Variants in VPS53 observed in about 807,000 individuals in gnomAD.
VPS53 encodes the protein vacuolar protein sorting-associated protein 53 homolog.
Under a neutral mutation model 107.0 loss-of-function variants are expected in VPS53, and 70 were observed. That is an observed-to-expected ratio of 0.65 (90% CI 0.54 to 0.80). The LOEUF is 0.80. Among genes scored for constraint, VPS53 ranks in the 30% least tolerant of loss-of-function variants. The pLI is 0.00. For synonymous variants in VPS53, 409 were observed against 393.3 expected, an observed-to-expected ratio of 1.04 and a Z score of -0.47; for missense variants, 917 against 1,049.4, an observed-to-expected ratio of 0.87 and a Z score of 1.74.
chr17:575,023 C>A (rs1235434000), intron 13 of VPS53, among the ~76,000 whole-genome samples: 1 of 152,208 alleles, frequency 6.6e-6, no homozygotes, highest in East Asian at 1.9e-4. Flanking sequence ...CCCCACTGTA[C>A]CTCGGTGTGC....
chr17:518,939 T>C lies in VPS53; in HGVS notation c.*189A>G, dbSNP rs1037082393. On this transcript the variant is annotated 3_prime_UTR_variant, in exon 22 of 22. Transcript: ENST00000437048. ...AAATCGCCCTCTTAGAGCCCAGCCC[T>C]TACTCAGCGTCTCCGATTAGGGCAG... 5.3e-5 allele frequency: 32 copies of C among 599,812 alleles called. No individual in the cohort carries two copies. The highest frequency in any genetic ancestry group is 1.1e-4 in the Admixed American group (3 of 27,222). 37.2% of individuals were successfully genotyped at this position (599,812 alleles called of 1,614,324 possible).
At chr17:637,214 T>TA (rs1371082172) in intron 7 of VPS53, among the ~76,000 whole-genome samples, 2 of 152,230 alleles carry the variant, frequency 1.3e-5, no homozygotes, top group African/African-American at 2.4e-5. Flanking sequence ...TAGGGGTGTT[T>TA]ATAGTATTTT....
At chr17:672,689 G>T (rs943550458) in intron 4 of VPS53, among the ~76,000 whole-genome samples, 1 of 152,212 alleles carries the variant, frequency 6.6e-6, no homozygotes, top group African/African-American at 2.4e-5. Flanking sequence ...ATTAAAAAGT[G>T]AGTGCCTATT....
At chr17:662,834 AAAGG>A (rs796580340) in intron 4 of VPS53, among the ~76,000 whole-genome samples, 21,164 of 120,252 alleles carry the variant, frequency 0.18, 1,895 homozygotes, top group Middle Eastern at 0.26. Flanking sequence ...AAAGAGAAAG[AAAGG>A]AAGGAAGGAA....
rs920320639 is a variant in VPS53 at position 560,339 on chromosome 17, T to C, written c.1704+87A>G. On this transcript the variant is annotated intron_variant, in intron 15 of 21. Coordinates refer to ENST00000437048, the MANE Select transcript of VPS53 (RefSeq NM_001128159.3). ...TGACCCAAGGTTGTCTGTGGCCATG[T>C]TAGGACGTATATTCTTACTCGCCGA... 1.4e-5 allele frequency: 21 copies of C among 1,488,728 alleles called. No individual in the cohort carries two copies. The African/African-American group carries it at 2.5e-4, about 18-fold the overall frequency. The allele number at this position is 1,488,728 out of a possible 1,614,324, so 92.2% of individuals were successfully genotyped here.
intron 15 of VPS53, among the ~76,000 whole-genome samples, chr17:555,493 G>A (rs983145975): frequency 6.6e-5 from 10 of 152,002 alleles, no homozygotes; most frequent in South Asian, 2.1e-4. Flanking sequence ...CACCACGCCC[G>A]GCCCTAATTT....
In VPS53 at chr17:661,804, C is replaced by T. The variant is rs1371368716; in HGVS notation, c.372+5G>A. 5.2e-6 allele frequency: 8 copies of T among 1,551,824 alleles called. No individual in the cohort carries two copies. Among genetic ancestry groups the T allele is most frequent in the African/African-American group, 2.7e-5 (2 of 73,032 alleles). ...CAAAAAGGTTAGGAAGAAACCAGAA[C>T]TCACCATTTGCTCTGATTTTTCAGC... On this transcript the variant is annotated splice_donor_5th_base_variant and intron_variant, in intron 5 of 21. Coordinates refer to ENST00000437048, the MANE Select transcript of VPS53 (RefSeq NM_001128159.3).
rs780982984 is a variant in VPS53, at chr17:537,133, T to C, written c.1910A>G (p.Tyr637Cys). ...GATGTGCAGAATGACAGAGGTGACG[T>C]AGGGGCTCTGGTCACCAACGTGCTC... ...NVEHVGDQSP[Y>C]VTSVILHIKQ... Residue 637 changes from tyrosine (Y) to cysteine (C), a missense_variant, in exon 18 of 22, where the codon TAC becomes TGC. Transcript: ENST00000437048. 6.2e-7 allele frequency: 1 copy of C among 1,614,052 alleles called. No individual in the cohort carries two copies. Among genetic ancestry groups the C allele is most frequent in the South Asian group, 1.1e-5 (1 of 91,074 alleles).
chr17:678,390 C>T (rs1173873827), intron 4 of VPS53, among the ~76,000 whole-genome samples: 1 of 151,806 alleles, frequency 6.6e-6, no homozygotes, highest in Non-Finnish European at 1.5e-5. Context: ...CCACTGCACT[C>T]CAGACTGGGT....
chr17:551,993 G>A (rs966341556), intron 16 of VPS53, 43 bp from the exon 17 acceptor site: 40 of 1,515,370 alleles, frequency 2.6e-5, no homozygotes, highest in Non-Finnish European at 3.4e-5. Context: ...TTCAAACAAC[G>A]GCCGTCTGAA....
rs200032763 is a variant in VPS53, at chr17:601,633, GT to G, written c.1218+161del. On this transcript the variant is annotated intron_variant, in intron 12 of 21. Transcript: ENST00000437048. ...GCAGGGAAGTCTGCCCTTTCATGGA[GT>G]TTTCTACATGCACTTTCAGATAAAG... Among the ~76,000 whole-genome samples the G allele has an allele frequency of 4.2e-3, 641 of 152,318 alleles. 6 individuals are homozygous for G. The highest frequency in any genetic ancestry group is 0.015 in the African/African-American group (615 of 41,566).
At chr17:670,693 T>C (rs376148746) in intron 4 of VPS53, among the ~76,000 whole-genome samples, 5 of 152,192 alleles carry the variant, frequency 3.3e-5, no homozygotes, top group African/African-American at 1.2e-4. Flanking sequence ...GCCTTTATCC[T>C]GTGAGTCCGC....
intron 5 of VPS53, chr17:657,414 A>G (rs1274190647): frequency 1.2e-6 from 1 of 846,594 alleles, no homozygotes; most frequent in Admixed American, 1.8e-5. Context: ...TAGGAAAATG[A>G]TGAGGGGAAG....
intron 11 of VPS53, among the ~76,000 whole-genome samples, chr17:611,926 C>T (rs1481605889): frequency 1.3e-5 from 2 of 152,026 alleles, no homozygotes; most frequent in African/African-American, 4.8e-5. Context: ...AGTGAGTTCA[C>T]ACAGTGAAAA....
At chr17:573,183 T>C (rs1914323922) in intron 13 of VPS53, among the ~76,000 whole-genome samples, 1 of 152,208 alleles carries the variant, frequency 6.6e-6, no homozygotes, top group African/African-American at 2.4e-5. Context: ...ACTTCCCTGA[T>C]GGAGAACGCC....
At chr17:686,640 C>A (rs1220648255) in intron 4 of VPS53, among the ~76,000 whole-genome samples, 2 of 152,142 alleles carry the variant, frequency 1.3e-5, no homozygotes, top group African/African-American at 4.8e-5. Flanking sequence ...TAATTCAGAA[C>A]AAGTAAACCT....
chr17:627,184 G>A lies in VPS53; in HGVS notation c.964C>T (p.His322Tyr). Reference protein sequence around the residue: ...MAERIAVEFCHVTRAELAKIM... With the variant: ...MAERIAVEFCYVTRAELAKIM... ...AGAACTGGCATCTACCTTGTCACAT[G>A]GCAAAATTCCACCGCAATCCTCTCA... is the stretch of plus-strand genomic sequence containing the variant. The change falls in exon 10 of 22, where the codon CAT becomes TAT. Residue 322 changes from histidine (H) to tyrosine (Y), a missense_variant. By Grantham distance (83) the His-to-Tyr change is moderately conservative. Coordinates refer to ENST00000437048, the MANE Select transcript of VPS53 (RefSeq NM_001128159.3). 1.2e-6 allele frequency: 2 copies of A among 1,612,498 alleles called. No homozygotes were observed. The highest frequency in any genetic ancestry group is 1.7e-6 in the Non-Finnish European group (2 of 1,179,514).
At chr17:615,770 A>AGG (rs1969108004) in intron 11 of VPS53, among the ~76,000 whole-genome samples, 1 of 152,206 alleles carries the variant, frequency 6.6e-6, no homozygotes, top group Non-Finnish European at 1.5e-5. Context: ...AGCATGGGGA[A>AGG]GGGGTCAGGG....
At chr17:521,226 G>C (rs913160124) in intron 20 of VPS53, among the ~76,000 whole-genome samples, 1 of 152,202 alleles carries the variant, frequency 6.6e-6, no homozygotes, top group Admixed American at 6.5e-5. Flanking sequence ...AAGTGGCAGA[G>C]TACAGAAAGC....
Sources: gnomAD v4.1 joint callset for allele counts (sites outside exome capture counted in the v4.1 genomes callset) on GRCh38, gnomAD v4.1.1 for gene constraint, MANE v1.5 for transcripts, NCBI Gene and HGNC (gene_info 2026-07-23, HGNC 2026-07-21) for gene names.